The following PPP1R9A variants were observed in gnomAD, a reference collection of about 807,000 sequenced individuals.
PPP1R9A encodes protein phosphatase 1 regulatory subunit 9A.
PPP1R9A carries 59 observed loss-of-function variants against 141.9 expected under a neutral mutation model. That is an observed-to-expected ratio of 0.42 (90% CI 0.34 to 0.52). PPP1R9A has a LOEUF of 0.52. Among genes scored for constraint, PPP1R9A ranks in the 20% least tolerant of loss-of-function variants. PPP1R9A has a pLI of 0.10. For missense variants in PPP1R9A, 1,444 were observed against 1,611.9 expected (o/e 0.90, Z 1.78); for synonymous variants, 500 against 569.7 (o/e 0.88, Z 1.74).
At chr7:95,166,169 AAG>A (rs1831233128) in intron 5 of PPP1R9A, among the ~76,000 whole-genome samples, 1 of 151,664 alleles carries the variant, frequency 6.6e-6, no homozygotes, top group Admixed American at 6.6e-5. Flanking sequence ...AAAAAAAAGA[AAG>A]AAAATTAGAA....
rs1790080885 is a variant in PPP1R9A, at chr7:95,203,687, G to C, written c.1913G>C (p.Gly638Ala). 3.9e-6 allele frequency: 6 copies of C among 1,536,490 alleles called. No homozygotes were observed. The highest frequency in any genetic ancestry group is 5.2e-6 in the Non-Finnish European group (6 of 1,146,438). ...TAGAACACTGTGGCTGAATTGCAAG[G>C]AATGTCTGGCAACTGCAATAACAAT... is the stretch of plus-strand genomic sequence containing the variant. ...DDENTVAELQ[G>A]MSGNCNNNNN... Residue 638 changes from glycine to alanine, a missense_variant, in exon 7 of 20, where the codon GGA (glycine) becomes GCA (alanine). By Grantham distance (60) the Gly-to-Ala change is moderately conservative. Transcript: ENST00000433360.
At chr7:94,908,127 C>CG (rs1349490386) in intron 1 of PPP1R9A, 1 of 149,988 alleles carries the variant, frequency 6.7e-6, no homozygotes, top group Non-Finnish European at 1.5e-5. Flanking sequence ...CCGCCCGCGG[C>CG]GCTCCCGCTC....
Position 94,960,636 on chromosome 7 carries a change from AAT to A in PPP1R9A, c.1395+49131_1395+49132del, listed in dbSNP as rs1797532047. ...TCTTACCATAAACCCCCAGGTAAGT[AAT>A]ATTAATCCCTCATAAAGTTTATTTA... On this transcript the variant is annotated intron_variant, in intron 2 of 19. Transcript: ENST00000433360. Among the ~76,000 whole-genome samples the A allele has an allele frequency of 5.9e-5, 9 of 151,884 alleles. 1 individual carries two copies. Among genetic ancestry groups the A allele is most frequent in the Admixed American group, 5.2e-4 (8 of 15,248 alleles).
At chr7:95,013,528 A>G (rs1023586582) in intron 2 of PPP1R9A, among the ~76,000 whole-genome samples, 1 of 152,176 alleles carries the variant, frequency 6.6e-6, no homozygotes, top group Non-Finnish European at 1.5e-5. Flanking sequence ...AAGATGATAT[A>G]CAAGTAATAG....
At chr7:95,205,098 A>G (rs1336267742) in intron 7 of PPP1R9A, among the ~76,000 whole-genome samples, 1 of 152,180 alleles carries the variant, frequency 6.6e-6, no homozygotes, top group East Asian at 1.9e-4. Context: ...AATATTCTTC[A>G]TATATGGAGA....
intron 14 of PPP1R9A, among the ~76,000 whole-genome samples, chr7:95,271,210 C>T (rs1005501315): frequency 5.9e-5 from 9 of 152,084 alleles, no homozygotes; most frequent in Non-Finnish European, 1.0e-4. Context: ...AAGTATATAG[C>T]TTTAGAAGTT....
intron 12 of PPP1R9A, among the ~76,000 whole-genome samples, chr7:95,265,301 G>C (rs1038895288): frequency 1.3e-5 from 2 of 152,136 alleles, no homozygotes; most frequent in Admixed American, 6.6e-5. Flanking sequence ...AGGAGAATAG[G>C]CTTCTGAAGC....
At chr7:94,956,581 T>C (rs142739829) in intron 2 of PPP1R9A, among the ~76,000 whole-genome samples, 1,595 of 152,166 alleles carry the variant, frequency 0.01, 35 homozygotes, top group African/African-American at 0.037. Context: ...CATAGATACT[T>C]GGAAAGCTGA....
intron 3 of PPP1R9A, among the ~76,000 whole-genome samples, chr7:95,117,475 G>A (rs987332506): frequency 2.0e-5 from 3 of 152,114 alleles, no homozygotes; most frequent in Non-Finnish European, 4.4e-5. Flanking sequence ...AGGATGGCTT[G>A]AGTTAATATT....
At chr7:95,218,470 G>T (rs934695201) in intron 7 of PPP1R9A, among the ~76,000 whole-genome samples, 3 of 152,192 alleles carry the variant, frequency 2.0e-5, no homozygotes, top group African/African-American at 7.2e-5. Context: ...GAGTTCTGTA[G>T]ATGTCTATTA....
At chr7:95,062,927 G>T in intron 2 of PPP1R9A, among the ~76,000 whole-genome samples, 1 of 152,178 alleles carries the variant, frequency 6.6e-6, no homozygotes, top group East Asian at 1.9e-4. Flanking sequence ...GGACTGCAGG[G>T]TTGCAGCTGC....
At chr7:94,920,736 C>A (rs1477939054) in intron 2 of PPP1R9A, among the ~76,000 whole-genome samples, 1 of 152,046 alleles carries the variant, frequency 6.6e-6, no homozygotes, top group Non-Finnish European at 1.5e-5. Context: ...TGGCAAGGGT[C>A]AAAAAGGTGA....
intron 2 of PPP1R9A, among the ~76,000 whole-genome samples, chr7:95,034,332 AT>A (rs1387583943): frequency 2.0e-5 from 3 of 151,612 alleles, no homozygotes; most frequent in African/African-American, 4.9e-5. Flanking sequence ...AAAATACAGC[AT>A]TAATTAAAAA....
chr7:95,031,763 C>CAA (rs778376536), intron 2 of PPP1R9A, among the ~76,000 whole-genome samples: 2 of 70,172 alleles, frequency 2.9e-5, no homozygotes, highest in East Asian at 4.4e-4. Flanking sequence ...GATTCAGTTT[C>CAA]AAAAAAAAAA....
In PPP1R9A at chr7:95,252,765, G is replaced by T. The variant is rs1352556815; in HGVS notation, c.2665+635G>T. ...TTACAGGCATGAGCCACCGCGCCCA[G>T]CCAAGCTTTAGAATGTTTAAGTCAC... On this transcript the variant is annotated intron_variant, in intron 12 of 19. Coordinates refer to ENST00000433360, the MANE Select transcript of PPP1R9A (RefSeq NM_001166160.2). Among the ~76,000 whole-genome samples, 3 of 152,138 alleles carry T rather than the reference G, an allele frequency of 2.0e-5. No individual in the cohort carries two copies. The East Asian group carries it at 5.8e-4, about 29-fold the overall frequency.
chr7:94,923,016 T>C (rs1315473290), intron 2 of PPP1R9A, among the ~76,000 whole-genome samples: 1 of 152,210 alleles, frequency 6.6e-6, no homozygotes, highest in Non-Finnish European at 1.5e-5. Context: ...AGTGTAAATT[T>C]ATGTAACACT....
chr7:94,971,384 T>C (rs780798409), intron 2 of PPP1R9A, among the ~76,000 whole-genome samples: 18 of 152,248 alleles, frequency 1.2e-4, no homozygotes, highest in Non-Finnish European at 2.1e-4. Context: ...TTGCTAAAGA[T>C]GACCAAGCAA....
At chr7:95,271,599 C>G (rs779253685) in intron 14 of PPP1R9A, among the ~76,000 whole-genome samples, 11 of 152,068 alleles carry the variant, frequency 7.2e-5, no homozygotes, top group Non-Finnish European at 1.3e-4. Context: ...TTGGGAGTCC[C>G]CATTATAAAG....
At chr7:95,000,460 T>A (rs962899637) in intron 2 of PPP1R9A, among the ~76,000 whole-genome samples, 13 of 152,178 alleles carry the variant, frequency 8.5e-5, no homozygotes, top group African/African-American at 1.4e-4. Flanking sequence ...GATTTTTTTT[T>A]AAACAAATCT....
Sources: gnomAD v4.1 joint callset for allele counts (sites outside exome capture counted in the v4.1 genomes callset) on GRCh38, gnomAD v4.1.1 for gene constraint, MANE v1.5 for transcripts, NCBI Gene and HGNC (gene_info 2026-07-23, HGNC 2026-07-21) for gene names.